The following XKR4 variants were observed in gnomAD, a reference collection of about 807,000 sequenced individuals.
XKR4 encodes the protein XK-related protein 4.
XKR4 carries 12 observed loss-of-function variants against 53.9 expected under a neutral mutation model. The observed-to-expected ratio is 0.22, with a 90% CI of 0.14 to 0.36. The LOEUF (loss-of-function observed/expected upper bound fraction) is 0.36. Ranked by LOEUF, XKR4 falls within the 10% of genes least tolerant of loss-of-function variation. The pLI, the probability that XKR4 is intolerant of heterozygous loss-of-function variation, is 1.00. For missense variants in XKR4, 799 were observed against 859.5 expected, an observed-to-expected ratio of 0.93 and a Z score of 0.88; for synonymous variants, 354 against 362.4, an observed-to-expected ratio of 0.98 and a Z score of 0.26.
At chr8:55,271,577 T>C (rs1818691569) in intron 1 of XKR4, among the ~76,000 whole-genome samples, 1 of 152,256 alleles carries the variant, frequency 6.6e-6, no homozygotes, top group Non-Finnish European at 1.5e-5. Context: ...GACTCACTTA[T>C]CACAGGCAGA....
chr8:55,392,415 A>T (rs570153836), intron 2 of XKR4, among the ~76,000 whole-genome samples: 13 of 152,368 alleles, frequency 8.5e-5, no homozygotes, highest in Non-Finnish European at 1.2e-4. Context: ...AAGATGAGAC[A>T]ATGTTTTTTA....
chr8:55,495,187 G>T (rs370858112), intron 2 of XKR4, among the ~76,000 whole-genome samples: 16 of 152,316 alleles, frequency 1.1e-4, no homozygotes, highest in African/African-American at 3.8e-4. Context: ...GCCCAGACTT[G>T]TCCCCTACTT....
chr8:55,444,674 G>A (rs1805320064), intron 2 of XKR4, among the ~76,000 whole-genome samples: 1 of 152,212 alleles, frequency 6.6e-6, no homozygotes, highest in Non-Finnish European at 1.5e-5. Context: ...ACAATGCCAA[G>A]GGTTGGTTAG....
At chr8:55,366,060 C>G (rs929359527) in intron 2 of XKR4, among the ~76,000 whole-genome samples, 1 of 152,212 alleles carries the variant, frequency 6.6e-6, no homozygotes, top group Non-Finnish European at 1.5e-5. Context: ...GCCAGGAATG[C>G]CAAAAGCAGC....
intron 2 of XKR4, among the ~76,000 whole-genome samples, chr8:55,373,958 T>A (rs1804111371): frequency 1.3e-5 from 2 of 151,968 alleles, no homozygotes. Context: ...GGAGGGGAGA[T>A]CAGATAAGAG....
intron 1 of XKR4, among the ~76,000 whole-genome samples, chr8:55,187,940 T>C (rs1300492941): frequency 1.3e-5 from 2 of 152,254 alleles, no homozygotes; most frequent in African/African-American, 4.8e-5. Context: ...CATTTAAAGA[T>C]TGAGTTTTCT....
chr8:55,245,029 G>A (rs771491698), intron 1 of XKR4, among the ~76,000 whole-genome samples: 1 of 151,662 alleles, frequency 6.6e-6, no homozygotes, highest in Non-Finnish European at 1.5e-5. Flanking sequence ...AGCCTCCTGA[G>A]TAGCTGAGAT....
intron 1 of XKR4, among the ~76,000 whole-genome samples, chr8:55,348,692 A>G (rs1485887998): frequency 9.7e-6 from 1 of 103,608 alleles, no homozygotes; most frequent in Non-Finnish European, 1.7e-5. Context: ...AGACAAACAT[A>G]CACACACACA....
At chr8:55,229,277 A>G (rs1428386313) in intron 1 of XKR4, among the ~76,000 whole-genome samples, 3 of 152,158 alleles carry the variant, frequency 2.0e-5, no homozygotes, top group Non-Finnish European at 4.4e-5. Context: ...CCTCAGACCA[A>G]TGCTCCTGGA....
Position 55,541,795 on chromosome 8 carries a change from CT to C in XKR4, c.*17571del, listed in dbSNP as rs1302045227. 3.9e-5 allele frequency: 6 copies of C among 152,112 alleles called. No individual in the cohort carries two copies. Among genetic ancestry groups the C allele is most frequent in the African/African-American group, 1.2e-4 (5 of 41,424 alleles). The allele number at this position is 152,112 out of a possible 1,614,324, so 9.4% of individuals were successfully genotyped here. On this transcript the variant is annotated 3_prime_UTR_variant, in exon 3 of 3. Coordinates refer to ENST00000327381, the MANE Select transcript of XKR4 (RefSeq NM_052898.2). ...TCAAATTCCATGTATCCAAACATCC[CT>C]TTAGCGTTCAGATTGTAAGTGTGTC...
intron 2 of XKR4, among the ~76,000 whole-genome samples, chr8:55,470,799 T>C (rs1315467836): frequency 6.6e-6 from 1 of 152,120 alleles, no homozygotes; most frequent in Non-Finnish European, 1.5e-5. Flanking sequence ...ATCACTATAA[T>C]AAGTAATTTA....
intron 1 of XKR4, among the ~76,000 whole-genome samples, chr8:55,125,978 G>A (rs1027498415): frequency 2.0e-5 from 3 of 152,124 alleles, no homozygotes; most frequent in Non-Finnish European, 4.4e-5. Flanking sequence ...GTCCTCACCT[G>A]GAGAGGTGGA....
At chr8:55,386,567 T>C (rs1804318963) in intron 2 of XKR4, among the ~76,000 whole-genome samples, 3 of 152,332 alleles carry the variant, frequency 2.0e-5, no homozygotes, top group South Asian at 4.1e-4. Flanking sequence ...AGGTTAAAGT[T>C]CTACCCAGTA....
chr8:55,307,027 C>T (rs1288395490), intron 1 of XKR4, among the ~76,000 whole-genome samples: 1 of 147,120 alleles, frequency 6.8e-6, no homozygotes, highest in Non-Finnish European at 1.5e-5. Context: ...ACATTTTAAA[C>T]CTATACACTT....
chr8:55,147,944 G>C (rs559705353), intron 1 of XKR4, among the ~76,000 whole-genome samples: 2 of 152,080 alleles, frequency 1.3e-5, no homozygotes, highest in South Asian at 4.1e-4. Context: ...GTCTCTGGGG[G>C]ACAAGACTCT....
chr8:55,455,156 C>A (rs1393084161), intron 2 of XKR4: 21 of 561,430 alleles, frequency 3.7e-5, no homozygotes. Context: ...GGACGCTGGG[C>A]GGGCTCCGCG....
Position 55,281,321 on chromosome 8 carries a change from CA to C in XKR4, c.807-76354del, listed in dbSNP as rs201879686. ...GGGTTGCCACAATTAAGTAGTTCATCAAATAGTCACACATATCTTTAAGAGA... is the reference window on the plus strand; with the variant it reads ...GGGTTGCCACAATTAAGTAGTTCATCAATAGTCACACATATCTTTAAGAGA... On this transcript the variant is annotated intron_variant, in intron 1 of 2. Coordinates refer to ENST00000327381, the MANE Select transcript of XKR4 (RefSeq NM_052898.2). Among the ~76,000 whole-genome samples, 642 of 152,284 alleles carry C rather than the reference CA, an allele frequency of 4.2e-3. 9 individuals are homozygous for C. Among genetic ancestry groups the C allele is most frequent in the African/African-American group, 0.014 (597 of 41,542 alleles).
rs1806892880 is a variant in XKR4 at position 55,527,288 on chromosome 8, G to A, written c.*3061G>A. The A allele has an allele frequency of 6.6e-6, 1 of 152,146 alleles. No individual in the cohort carries two copies. The highest frequency in any genetic ancestry group is 1.5e-5 in the Non-Finnish European group (1 of 68,012). The allele number at this position is 152,146 out of a possible 1,614,324, so 9.4% of individuals were successfully genotyped here. ...ATTAAACCCTCCGCAGACAGTAACT[G>A]GAGAATCCCAAAGGAAAAAATTGGA... On this transcript the variant is annotated 3_prime_UTR_variant, in exon 3 of 3. Coordinates refer to ENST00000327381, the MANE Select transcript of XKR4 (RefSeq NM_052898.2).
At chr8:55,118,664 G>C (rs973336737) in intron 1 of XKR4, among the ~76,000 whole-genome samples, 7 of 152,172 alleles carry the variant, frequency 4.6e-5, no homozygotes, top group Non-Finnish European at 1.5e-5. Context: ...GAATTCCCTT[G>C]TTCCCGTTCA....
Sources: gnomAD v4.1 joint callset for allele counts (sites outside exome capture counted in the v4.1 genomes callset) on GRCh38, gnomAD v4.1.1 for gene constraint, MANE v1.5 for transcripts, NCBI Gene and HGNC (gene_info 2026-07-23, HGNC 2026-07-21) for gene names.